The following RBFOX1 variants were observed in gnomAD, a reference collection of about 807,000 sequenced individuals.
RBFOX1 encodes the protein RNA binding fox-1 homolog 1.
Under a neutral mutation model 57.7 loss-of-function variants are expected in RBFOX1, and 8 were observed. That is an observed-to-expected ratio of 0.14 (90% CI 0.08 to 0.25). The LOEUF (loss-of-function observed/expected upper bound fraction) is 0.25, where lower values mean the gene tolerates loss of function less well. Ranked by LOEUF, RBFOX1 falls within the 10% of genes least tolerant of loss-of-function variation. The pLI, the probability that RBFOX1 is intolerant of heterozygous loss-of-function variation, is 1.00. For synonymous variants in RBFOX1, 326 were observed against 222.4 expected, an observed-to-expected ratio of 1.47 and a Z score of -4.15; for missense variants, 611 against 548.5, an observed-to-expected ratio of 1.11 and a Z score of -1.14.
Position 6,738,801 on chromosome 16 carries a change from A to G in RBFOX1, c.-16+84151A>G, listed in dbSNP as rs144765205. ...TTGGGGTGTGGTCTCTGACAACAGT[A>G]GAATCAAACTAGAAATTAATTCATA... On this transcript the variant is annotated intron_variant, in intron 3 of 15. Coordinates refer to ENST00000550418, the MANE Select transcript of RBFOX1 (RefSeq NM_018723.4). Among the ~76,000 whole-genome samples the G allele has an allele frequency of 1.0e-3, 158 of 152,310 alleles. 1 individual carries two copies. The highest frequency in any genetic ancestry group is 2.6e-3 in the Admixed American group (39 of 15,284).
At chr16:7,426,584 A>G (rs2098616193) in intron 4 of RBFOX1, among the ~76,000 whole-genome samples, 1 of 152,192 alleles carries the variant, frequency 6.6e-6, no homozygotes, top group Non-Finnish European at 1.5e-5. Context: ...TAGATGCGCC[A>G]AGGGAGAGGA....
At chr16:7,014,972 C>T (rs2093835802) in intron 3 of RBFOX1, among the ~76,000 whole-genome samples, 1 of 152,130 alleles carries the variant, frequency 6.6e-6, no homozygotes. Context: ...GATATACCCG[C>T]CTGGACCTCC....
In RBFOX1 at chr16:6,586,817, C is replaced by G. The variant is rs767008481; in HGVS notation, c.-63-67786C>G. The stretch of plus-strand genomic sequence containing the variant: ...GAAGCAGGGTTTTGTTTTAACTGCA[C>G]TATCACCACGTAATTATAGGAGAAA... On this transcript the variant is annotated intron_variant, in intron 2 of 15. Transcript: ENST00000550418. Among the ~76,000 whole-genome samples the G allele has an allele frequency of 1.3e-5, 2 of 152,246 alleles. 1 individual carries two copies. Among genetic ancestry groups the G allele is most frequent in the South Asian group, 4.2e-4 (2 of 4,816 alleles).
chr16:5,756,943 G>A (rs964922069), intron 3 of RBFOX1, among the ~76,000 whole-genome samples: 1 of 152,156 alleles, frequency 6.6e-6, no homozygotes, highest in Non-Finnish European at 1.5e-5. Context: ...GCCCTTAACT[G>A]TATTATCTTA....
chr16:6,919,393 G>A (rs1379017637), intron 3 of RBFOX1, among the ~76,000 whole-genome samples: 2 of 151,468 alleles, frequency 1.3e-5, no homozygotes, highest in African/African-American at 4.9e-5. Flanking sequence ...TCTCTTATTA[G>A]CTCCATTTTA....
intron 4 of RBFOX1, among the ~76,000 whole-genome samples, chr16:7,102,595 C>G (rs1238784578): frequency 6.6e-6 from 1 of 152,038 alleles, no homozygotes; most frequent in Admixed American, 6.6e-5. Flanking sequence ...AGGCAGTGAT[C>G]GATTGATTGG....
chr16:5,369,548 A>T (rs1460320890), intron 1 of RBFOX1, among the ~76,000 whole-genome samples: 1 of 152,244 alleles, frequency 6.6e-6, no homozygotes, highest in East Asian at 1.9e-4. Context: ...CTCCCACTTT[A>T]CAGTGAAGAA....
chr16:6,254,729 C>T (rs1419746918), intron 1 of RBFOX1, among the ~76,000 whole-genome samples: 3 of 152,038 alleles, frequency 2.0e-5, no homozygotes, highest in Non-Finnish European at 4.4e-5. Flanking sequence ...TTTGAAAAAC[C>T]TCTTTTAAAA....
intron 3 of RBFOX1, among the ~76,000 whole-genome samples, chr16:6,663,973 C>A (rs2098716826): frequency 6.6e-6 from 1 of 152,144 alleles, no homozygotes; most frequent in East Asian, 1.9e-4. Context: ...CCACCTGAAA[C>A]CTTTTGACCA....
chr16:7,389,307 G>A (rs541818369), intron 4 of RBFOX1, among the ~76,000 whole-genome samples: 4 of 152,078 alleles, frequency 2.6e-5, no homozygotes, highest in Non-Finnish European at 5.9e-5. Context: ...AGTATTTTTG[G>A]TAGAGACGAG....
At chr16:7,018,774 T>C (rs990840766) in intron 3 of RBFOX1, among the ~76,000 whole-genome samples, 1 of 124,808 alleles carries the variant, frequency 8.0e-6, no homozygotes, top group South Asian at 3.3e-4. Flanking sequence ...ATGTACCCTA[T>C]ACCTTAAAGT....
intron 3 of RBFOX1, among the ~76,000 whole-genome samples, chr16:6,786,318 A>G (rs1317560996): frequency 1.3e-5 from 2 of 152,044 alleles, no homozygotes; most frequent in Non-Finnish European, 2.9e-5. Context: ...TTCTTCCCAC[A>G]TTACAAAGGC....
chr16:5,824,608 T>G (rs1336580860), intron 3 of RBFOX1, among the ~76,000 whole-genome samples: 1 of 152,190 alleles, frequency 6.6e-6, no homozygotes, highest in African/African-American at 2.4e-5. Context: ...TGGATGTTGT[T>G]GAATAATTGA....
At position 5,792,917 on chromosome 16, in the gene RBFOX1, A is replaced by G. The variant is rs140953920; in HGVS notation, c.319-74386A>G. Reference sequence around the variant, plus strand: ...GAAGTGGATTATTTTAAAGGTCTTCATTCTCATATTCTTTGTGTTGGGTAG... The same window carrying G: ...GAAGTGGATTATTTTAAAGGTCTTCGTTCTCATATTCTTTGTGTTGGGTAG... On this transcript the variant is annotated intron_variant, in intron 3 of 19. Coordinates refer to the RBFOX1 transcript ENST00000641259. Among the ~76,000 whole-genome samples, 330 of 152,336 alleles carry G rather than the reference A, an allele frequency of 2.2e-3. 1 individual carries two copies. Among genetic ancestry groups the G allele is most frequent in the Non-Finnish European group, 4.0e-3 (275 of 68,032 alleles).
At chr16:7,381,344 A>G (rs896164995) in intron 4 of RBFOX1, among the ~76,000 whole-genome samples, 2 of 152,204 alleles carry the variant, frequency 1.3e-5, no homozygotes, top group Admixed American at 6.5e-5. Context: ...GGGAAAAGGT[A>G]TAGTACTATA....
intron 3 of RBFOX1, among the ~76,000 whole-genome samples, chr16:6,754,340 T>C (rs1021811459): frequency 1.3e-4 from 20 of 152,190 alleles, no homozygotes; most frequent in African/African-American, 4.8e-4. Flanking sequence ...GATATAATTA[T>C]CTCTCTGAAA....
At chr16:7,655,214 T>C (rs9938069) in intron 12 of RBFOX1, among the ~76,000 whole-genome samples, 147,401 of 152,316 alleles carry the variant, frequency 0.97, 71,509 homozygotes, top group Non-Finnish European at 1. Flanking sequence ...CAAAAATAAA[T>C]GCAATAAAGT....
At chr16:6,239,567 C>T (rs368194415) in intron 1 of RBFOX1, among the ~76,000 whole-genome samples, 9 of 134,796 alleles carry the variant, frequency 6.7e-5, no homozygotes, top group Non-Finnish European at 1.4e-4. Flanking sequence ...GGCACAACCT[C>T]GGCTTACTGC....
intron 2 of RBFOX1, among the ~76,000 whole-genome samples, chr16:5,484,802 C>A (rs1567149595): frequency 6.6e-6 from 1 of 151,550 alleles, no homozygotes; most frequent in African/African-American, 2.4e-5. Context: ...GTCCCAGCTA[C>A]TCAGGAGGCT....
Sources: allele counts gnomAD v4.1 joint callset (sites outside exome capture counted in the v4.1 genomes callset), GRCh38; gene constraint gnomAD v4.1.1; transcripts MANE v1.5; gene names NCBI Gene and HGNC (gene_info 2026-07-23, HGNC 2026-07-21).